COL3A1: variants seen among roughly 807,000 people sequenced by gnomAD.
COL3A1 encodes the protein collagen type III alpha 1 chain, also known as collagen alpha-1(III) chain.
Under a neutral mutation model 200.9 loss-of-function variants are expected in COL3A1, and 46 were observed. The ratio of observed to expected loss-of-function variants is 0.23; its 90% CI spans 0.18 to 0.29. The LOEUF (loss-of-function observed/expected upper bound fraction) is 0.29. COL3A1 is among the 10% of genes least tolerant of loss of function. The pLI, the probability that COL3A1 is intolerant of heterozygous loss-of-function variation, is 1.00. For synonymous variants in COL3A1, 650 were observed against 628.0 expected (o/e 1.03, Z -0.52); for missense variants, 1,367 against 1,917.6 (o/e 0.71, Z 5.36).
intron 1 of COL3A1, among the ~76,000 whole-genome samples, chr2:188,979,170 T>C (rs970427567): frequency 6.6e-6 from 1 of 152,020 alleles, no homozygotes; most frequent in Non-Finnish European, 1.5e-5. Flanking sequence ...AAGAAAGTAC[T>C]GCTTCAGTAA....
chr2:188,993,323 T>C (rs1197968207), intron 15 of COL3A1, 38 bp from the exon 16 acceptor site: 1 of 1,510,670 alleles, frequency 6.6e-7, no homozygotes, highest in South Asian at 1.2e-5. Context: ...TGAGTAGAAG[T>C]GGTAAGAGAA....
In COL3A1 at chr2:188,991,361, T is replaced by C. The variant is rs965599336; in HGVS notation, c.853-126T>C. 1.8e-5 allele frequency: 12 copies of C among 677,426 alleles called. No homozygotes were observed. The African/African-American group carries it at 2.2e-4, about 12-fold the overall frequency. 42.0% of individuals were successfully genotyped at this position (677,426 alleles called of 1,614,324 possible). A position where few individuals can be genotyped will look rare whatever the true frequency, so the allele number is the denominator to read the frequency against. ...TGGTAAATAAAATACTAACAGAAAA[T>C]TAATATTGTTAAAATGTATATCTTT... On this transcript the variant is annotated intron_variant, in intron 11 of 50. Coordinates refer to ENST00000304636, the MANE Select transcript of COL3A1 (RefSeq NM_000090.4).
chr2:188,974,600 G>A, intron 1 of COL3A1, 32 bp downstream of exon 1: 1 of 1,573,548 alleles, frequency 6.4e-7, no homozygotes, highest in Non-Finnish European at 8.7e-7. Flanking sequence ...GAAACTTTAT[G>A]GGATTTTTGT....
chr2:188,978,463 C>T (rs1427234623), intron 1 of COL3A1, among the ~76,000 whole-genome samples: 2 of 152,004 alleles, frequency 1.3e-5, no homozygotes, highest in Non-Finnish European at 2.9e-5. Flanking sequence ...TGCCATCTAC[C>T]GAAACTCCAC....
intron 1 of COL3A1, 47 bp downstream of exon 1, chr2:188,974,615 C>T (rs765395010): frequency 1.3e-6 from 2 of 1,485,068 alleles, no homozygotes; most frequent in Non-Finnish European, 1.9e-6. Flanking sequence ...TTTTGTCTTT[C>T]TTCTCCTCAC....
intron 1 of COL3A1, among the ~76,000 whole-genome samples, chr2:188,979,143 C>A (rs1011624054): frequency 1.3e-5 from 2 of 151,840 alleles, no homozygotes; most frequent in African/African-American, 4.8e-5. Flanking sequence ...GTTAAACTTC[C>A]CTTGAATTCT....
At chr2:188,988,498 C>A (rs921067518) in intron 6 of COL3A1, 92 bp from the exon 7 acceptor site, 7 of 902,210 alleles carry the variant, frequency 7.8e-6, no homozygotes, top group Non-Finnish European at 1.2e-5. Flanking sequence ...TTGCTGATTA[C>A]ATTCACAATC....
rs758221289 is a variant in COL3A1, at chr2:189,010,812, G to A, written c.4176G>A (p.Leu1392=). The change falls in exon 50 of 51, where the codon CTG becomes CTA. Residue 1392 remains leucine, a synonymous_variant. Transcript: ENST00000304636. ...GAAATGTAAAGAAGGCCCTGAAGCT[G>A]ATGGGGTCAAATGAAGGTGAATTCA... The part of the protein sequence containing the change: ...ASGNVKKALK[L]MGSNEGEFKA... The A allele has an allele frequency of 1.5e-5, 25 of 1,614,154 alleles. No individual in the cohort carries two copies. Among genetic ancestry groups the A allele is most frequent in the Non-Finnish European group, 1.9e-5 (23 of 1,180,002 alleles).
In COL3A1 at chr2:189,009,161, C is replaced by T. The variant is rs1576473569; in HGVS notation, c.3763C>T (p.Arg1255Cys). The T allele has an allele frequency of 1.2e-6, 2 of 1,614,170 alleles. No homozygotes were observed. Among genetic ancestry groups the T allele is most frequent in the East Asian group, 2.2e-5 (1 of 44,888 alleles). Residue 1255 changes from arginine to cysteine, a missense_variant, in exon 48 of 51, where the codon CGT (arginine) becomes TGT (cysteine). Coordinates refer to ENST00000304636, the MANE Select transcript of COL3A1 (RefSeq NM_000090.4). ...IESLISPDGSRKNPARNCRDL... is the reference protein window; with the variant it reads ...IESLISPDGSCKNPARNCRDL... ...AAGCCTCATTAGTCCTGATGGTTCT[C>T]GTAAAAACCCCGCTAGAAACTGCAG...
At position 189,006,227 on chromosome 2, in the gene COL3A1, C is replaced by G. The variant is rs139619440; in HGVS notation, c.3061C>G (p.Leu1021Val). 2.5e-6 allele frequency: 4 copies of G among 1,614,084 alleles called. No homozygotes were observed. In the South Asian group the frequency reaches 4.4e-5, roughly 18 times the overall value. ...TCAGGGAAACCCTGGATCAGATGGT[C>G]TTCCAGGCCGAGATGGATCTCCTGG... The part of the protein sequence containing the change: ...GRDGNPGSDG[L>V]PGRDGSPGGK... The change falls in exon 42 of 51, where the codon CTT becomes GTT. Residue 1021 changes from leucine to valine, a missense_variant. This residue lies in a region of COL3A1 where 846 missense variants were observed against 1,147.9 expected (regional missense o/e 0.74). Transcript: ENST00000304636.
In COL3A1 at chr2:189,008,963, C is replaced by T. The variant is rs1324996402; in HGVS notation, c.3565C>T (p.Pro1189Ser). 2.5e-6 allele frequency: 4 copies of T among 1,614,184 alleles called. No individual in the cohort carries two copies. Among genetic ancestry groups the T allele is most frequent in the Non-Finnish European group, 3.4e-6 (4 of 1,180,036 alleles). ...CCCAGGGCAACCAGGCCCTCCTGGA[C>T]CTCCTGGTGCCCCTGGTCCTTGCTG... The part of the protein sequence containing the change: ...GHPGQPGPPG[P>S]PGAPGPCCGG... Residue 1189 changes from proline to serine, a missense_variant, in exon 48 of 51, where the codon CCT becomes TCT. Pro to Ser is a moderately conservative substitution (Grantham distance 74). This residue lies in a region of COL3A1 where 846 missense variants were observed against 1,147.9 expected (regional missense o/e 0.74). Transcript: ENST00000304636.
Position 188,997,694 on chromosome 2 carries a change from T to C in COL3A1, c.1870-6T>C. Reference sequence around the variant, plus strand: ...TACAACAGAGTGTATCATTATACTTTTCTAGGGGCCTGGTGGTGACAAAGG... The same window carrying C: ...TACAACAGAGTGTATCATTATACTTCTCTAGGGGCCTGGTGGTGACAAAGG... On this transcript the variant is annotated splice_region_variant and splice_polypyrimidine_tract_variant and intron_variant, in intron 26 of 50. Coordinates refer to ENST00000304636, the MANE Select transcript of COL3A1 (RefSeq NM_000090.4). The C allele has an allele frequency of 2.5e-6, 4 of 1,613,384 alleles. No homozygotes were observed. The highest frequency in any genetic ancestry group is 3.4e-6 in the Non-Finnish European group (4 of 1,179,330).
intron 32 of COL3A1, among the ~76,000 whole-genome samples, chr2:189,000,921 T>A (rs1179788971): frequency 6.6e-6 from 1 of 152,182 alleles, no homozygotes; most frequent in Non-Finnish European, 1.5e-5. Flanking sequence ...ACAGACTAAG[T>A]AGATAAGCCG....
intron 2 of COL3A1, 89 bp downstream of exon 2, chr2:188,985,051 A>C: frequency 7.0e-7 from 1 of 1,420,664 alleles, no homozygotes; most frequent in Middle Eastern, 1.8e-4. Flanking sequence ...AAGGGAATGA[A>C]AGTCATGTTC....
Position 188,994,892 on chromosome 2 carries a change from C to T in COL3A1, c.1455+61C>T, listed in dbSNP as rs962215192. On this transcript the variant is annotated intron_variant, in intron 20 of 50. Transcript: ENST00000304636. This position sits in a 1 kb window ranked among gnomAD's most constrained non-coding sequence, Gnocchi z 4.5. ...CATCACTGTCATCTAAATAAAACTA[C>T]CTTCAGGGTGAGACAGCCAATTTTT... The T allele has an allele frequency of 2.5e-6, 4 of 1,589,746 alleles. No homozygotes were observed. The African/African-American group carries it at 5.4e-5, about 21-fold the overall frequency.
chr2:188,998,534 T>A, intron 28 of COL3A1, 140 bp from the exon 29 acceptor site: 1 of 1,023,380 alleles, frequency 9.8e-7, no homozygotes, highest in Non-Finnish European at 1.5e-6. Flanking sequence ...GTTTCAAGAT[T>A]TGAAAAATTA....
rs753537806 is a variant in COL3A1 at position 188,994,879 on chromosome 2, C to G, written c.1455+48C>G. The G allele has an allele frequency of 6.3e-6, 10 of 1,597,464 alleles. No homozygotes were observed. In the Admixed American group the frequency reaches 1.3e-4, roughly 21 times the overall value. On this transcript the variant is annotated intron_variant, in intron 20 of 50. Coordinates refer to ENST00000304636, the MANE Select transcript of COL3A1 (RefSeq NM_000090.4). This position sits in a 1 kb window ranked among gnomAD's most constrained non-coding sequence, Gnocchi z 4.5. Reference sequence around the variant, plus strand: ...AAAAGAAAAGCAGCATCACTGTCATCTAAATAAAACTACCTTCAGGGTGAG... The same window carrying G: ...AAAAGAAAAGCAGCATCACTGTCATGTAAATAAAACTACCTTCAGGGTGAG...
chr2:188,990,440 A>G lies in COL3A1; in HGVS notation c.798+80A>G, dbSNP rs13306275. The G allele has an allele frequency of 0.13, 136,911 of 1,085,404 alleles. 9,270 individuals are homozygous for G. Among genetic ancestry groups the G allele is most frequent in the Middle Eastern group, 0.19 (926 of 4,996 alleles). 67.2% of individuals were successfully genotyped at this position (1,085,404 alleles called of 1,614,324 possible). On this transcript the variant is annotated intron_variant, in intron 10 of 50. Transcript: ENST00000304636. Reference sequence around the variant, plus strand: ...GCCTAACCAATTTTACTGGACAATTATGTGCCAAAAAATATGATTCTGACA... The same window carrying G: ...GCCTAACCAATTTTACTGGACAATTGTGTGCCAAAAAATATGATTCTGACA...
chr2:188,975,332 G>C (rs1230522601), intron 1 of COL3A1, among the ~76,000 whole-genome samples: 5 of 152,162 alleles, frequency 3.3e-5, no homozygotes, highest in Non-Finnish European at 7.4e-5. Context: ...AGTACTGTTT[G>C]ACTTCAGAAA....
Sources: allele counts gnomAD v4.1 joint callset (sites outside exome capture counted in the v4.1 genomes callset), GRCh38; gene constraint gnomAD v4.1.1; regional missense constraint gnomAD v4.1.1; non-coding constraint Gnocchi (gnomAD v3.1); transcripts MANE v1.5; gene names NCBI Gene and HGNC (gene_info 2026-07-23, HGNC 2026-07-21).